Variants in CRY1 observed in about 807,000 individuals in gnomAD.
CRY1 encodes cryptochrome circadian regulator 1.
Under a neutral mutation model 76.0 loss-of-function variants are expected in CRY1, and 45 were observed. The observed-to-expected ratio is 0.59, with a 90% CI of 0.47 to 0.76. The LOEUF (loss-of-function observed/expected upper bound fraction) is 0.76. Ranked by LOEUF, CRY1 falls within the 30% of genes least tolerant of loss-of-function variation. The probability of loss-of-function intolerance (pLI) is 0.00; values close to 1 mark genes in which losing one functional copy is unlikely to be tolerated. For synonymous variants in CRY1, 248 were observed against 244.0 expected, an observed-to-expected ratio of 1.02 and a Z score of -0.15; for missense variants, 587 against 716.4, an observed-to-expected ratio of 0.82 and a Z score of 2.06.
At chr12:107,066,537 C>T (rs7963585) in intron 1 of CRY1, among the ~76,000 whole-genome samples, 6,630 of 151,474 alleles carry the variant, frequency 0.044, 273 homozygotes, top group African/African-American at 0.11. Context: ...CTCACTGCAG[C>T]CTCGACCTCC....
At chr12:107,044,526 G>A (rs1051578130) in intron 1 of CRY1, among the ~76,000 whole-genome samples, 8 of 152,172 alleles carry the variant, frequency 5.3e-5, no homozygotes, top group Non-Finnish European at 1.0e-4. Flanking sequence ...GTGAAAGTCT[G>A]TCTCTATGAA....
intron 10 of CRY1, among the ~76,000 whole-genome samples, chr12:106,993,371 T>C (rs1009072451): frequency 6.6e-6 from 1 of 151,716 alleles, no homozygotes; most frequent in African/African-American, 2.4e-5. Flanking sequence ...TCTTGTCCCT[T>C]TTCCCACGCT....
At chr12:107,073,612 C>A (rs1424154939) in intron 1 of CRY1, among the ~76,000 whole-genome samples, 1 of 151,984 alleles carries the variant, frequency 6.6e-6, no homozygotes, top group African/African-American at 2.4e-5. Context: ...GCCTGTAATC[C>A]CAGCTACCAG....
chr12:106,997,460 A>G (rs749590786), intron 9 of CRY1, 28 bp downstream of exon 9: 73 of 1,613,156 alleles, frequency 4.5e-5, no homozygotes, highest in Non-Finnish European at 6.1e-5. Flanking sequence ...AACAGCTGCC[A>G]AAGAAACAAA....
Position 107,005,084 on chromosome 12 carries a change from TAA to T in CRY1, c.410+20_410+21del, listed in dbSNP as rs34993937. The T allele has an allele frequency of 0.015, 19,836 of 1,359,120 alleles. No individual in the cohort carries two copies. The highest frequency in any genetic ancestry group is 0.026 in the South Asian group (1,990 of 76,220). The allele number at this position is 1,359,120 out of a possible 1,614,324, so 84.2% of individuals were successfully genotyped here. On this transcript the variant is annotated intron_variant, in intron 3 of 12. Transcript: ENST00000008527. ...TTATGTTATACGCATTTTCCCACAG[TAA>T]AAAAAAAAAAAGGACTCACTTGTCT...
chr12:107,010,164 G>C (rs1952427394), intron 2 of CRY1, among the ~76,000 whole-genome samples: 1 of 151,936 alleles, frequency 6.6e-6, no homozygotes, highest in Non-Finnish European at 1.5e-5. Flanking sequence ...TTTATTGACA[G>C]TATAGTGTTT....
rs532746681 is a variant in CRY1, at chr12:107,035,263, T to G, written c.159-13071A>C. On this transcript the variant is annotated intron_variant, in intron 1 of 12. Coordinates refer to ENST00000008527, the MANE Select transcript of CRY1 (RefSeq NM_004075.5). ...TGAAGTTTGGCCAATGGTCAAGATT[T>G]TTCTCGTACTGACATTACTGCAAAA... 2.6e-5 allele frequency among the ~76,000 whole-genome samples: 4 copies of G among 152,304 alleles called. No individual in the cohort carries two copies. In the South Asian group the frequency reaches 8.3e-4, roughly 32 times the overall value.
chr12:107,082,221 A>G (rs1953335189), intron 1 of CRY1, among the ~76,000 whole-genome samples: 1 of 152,118 alleles, frequency 6.6e-6, no homozygotes, highest in Admixed American at 6.5e-5. Flanking sequence ...GAGACCTACA[A>G]AGAGACTTAG....
intron 1 of CRY1, among the ~76,000 whole-genome samples, chr12:107,032,422 T>C (rs1449922729): frequency 6.6e-6 from 1 of 152,066 alleles, no homozygotes; most frequent in East Asian, 1.9e-4. Context: ...CGCAAATTCA[T>C]GGAAACTATG....
intron 1 of CRY1, among the ~76,000 whole-genome samples, chr12:107,034,380 A>G (rs1463089287): frequency 6.6e-6 from 1 of 152,122 alleles, no homozygotes; most frequent in Non-Finnish European, 1.5e-5. Flanking sequence ...CCCCTTGTTT[A>G]GCATATACTC....
chr12:107,092,684 T>A lies in CRY1; in HGVS notation c.158+120A>T, dbSNP rs945603782. ...TAATACTTAGGGCACCTAAAATTCG[T>A]AAGCGGTATAAGCAAGACAGTCCCA... On this transcript the variant is annotated intron_variant, in intron 1 of 12. Coordinates refer to ENST00000008527, the MANE Select transcript of CRY1 (RefSeq NM_004075.5). 7.0e-6 allele frequency: 10 copies of A among 1,431,180 alleles called. No homozygotes were observed. In the African/African-American group the frequency reaches 1.4e-4, roughly 20 times the overall value. The allele number at this position is 1,431,180 out of a possible 1,614,324, so 88.7% of individuals were successfully genotyped here.
intron 2 of CRY1, among the ~76,000 whole-genome samples, chr12:107,007,347 T>C (rs1952386472): frequency 6.6e-6 from 1 of 152,114 alleles, no homozygotes; most frequent in African/African-American, 2.4e-5. Flanking sequence ...GTAGAGTAAG[T>C]AAGGTGCAGA....
At chr12:107,018,942 A>G (rs1593505977) in intron 2 of CRY1, among the ~76,000 whole-genome samples, 1 of 152,342 alleles carries the variant, frequency 6.6e-6, no homozygotes, top group East Asian at 1.9e-4. Flanking sequence ...ACTAGGGGAG[A>G]TATCAGTACT....
At chr12:107,084,856 G>T (rs1027829145) in intron 1 of CRY1, among the ~76,000 whole-genome samples, 5 of 151,660 alleles carry the variant, frequency 3.3e-5, no homozygotes, top group East Asian at 3.9e-4. Context: ...TCTGCACAGT[G>T]AAAGAAACCA....
intron 1 of CRY1, among the ~76,000 whole-genome samples, chr12:107,092,054 T>C (rs997654320): frequency 2.6e-5 from 4 of 152,216 alleles, no homozygotes; most frequent in African/African-American, 7.2e-5. Context: ...GCTATATCCC[T>C]AGCATTTAAA....
intron 1 of CRY1, 64 bp downstream of exon 1, chr12:107,092,740 T>C (rs368682474): frequency 3.1e-6 from 5 of 1,592,080 alleles, no homozygotes; most frequent in African/African-American, 2.7e-5. Context: ...GCGGATCGCA[T>C]GGAATTCATT....
intron 2 of CRY1, among the ~76,000 whole-genome samples, chr12:107,009,400 G>A (rs1414971756): frequency 6.6e-6 from 1 of 151,546 alleles, no homozygotes; most frequent in Non-Finnish European, 1.5e-5. Flanking sequence ...TTAGCCAGAC[G>A]TGGTGGTGGG....
At chr12:107,006,607 C>T (rs1465214814) in intron 2 of CRY1, among the ~76,000 whole-genome samples, 1 of 150,896 alleles carries the variant, frequency 6.6e-6, no homozygotes, top group African/African-American at 2.4e-5. Context: ...GCTTGATCTC[C>T]ACACACTTGC....
chr12:107,032,038 G>A lies in CRY1; in HGVS notation c.159-9846C>T, dbSNP rs187316209. On this transcript the variant is annotated intron_variant, in intron 1 of 12. Coordinates refer to ENST00000008527, the MANE Select transcript of CRY1 (RefSeq NM_004075.5). ...CAACCTCCACCTCCCGGGTTCAAGCGATTCTCCTGCCTCAGCTTCCCAAGT... is the reference window on the plus strand; with the variant it reads ...CAACCTCCACCTCCCGGGTTCAAGCAATTCTCCTGCCTCAGCTTCCCAAGT... 2.0e-3 allele frequency among the ~76,000 whole-genome samples: 303 copies of A among 152,278 alleles called. 1 individual carries two copies. The highest frequency in any genetic ancestry group is 6.7e-3 in the African/African-American group (277 of 41,556).
Sources: gnomAD v4.1 joint callset for allele counts (sites outside exome capture counted in the v4.1 genomes callset) on GRCh38, gnomAD v4.1.1 for gene constraint, MANE v1.5 for transcripts, NCBI Gene and HGNC (gene_info 2026-07-23, HGNC 2026-07-21) for gene names.